Variants in RADIL observed in about 807,000 individuals in gnomAD.
RADIL encodes ras-associating and dilute domain-containing protein.
A neutral mutation model predicts 97.6 loss-of-function variants in RADIL; 99 were observed. That is an observed-to-expected ratio of 1.01 (90% CI 0.86 to 1.20). RADIL has a LOEUF of 1.20. Among genes scored for constraint, RADIL ranks in the 50% most tolerant of loss-of-function variants. The pLI is 0.00. For synonymous variants in RADIL, 803 were observed against 691.8 expected (o/e 1.16, Z -2.52); for missense variants, 1,765 against 1,498.9 (o/e 1.18, Z -2.93).
Position 4,819,237 on chromosome 7 carries a change from A to G in RADIL, c.1616-1886T>C, listed in dbSNP as rs1158599271. 6.6e-6 allele frequency among the ~76,000 whole-genome samples: 1 copy of G among 151,374 alleles called. No individual in the cohort carries two copies. The highest frequency in any genetic ancestry group is 6.6e-5 in the Admixed American group (1 of 15,218). On this transcript the variant is annotated intron_variant, in intron 6 of 14. Transcript: ENST00000399583. This position sits in a 1 kb window ranked among gnomAD's most constrained non-coding sequence, Gnocchi z 5.8. ...CAGGCACATGCCACCATGCCTGGCTAATTTTTGTATTTTTAGTAGAGACGG... is the reference window on the plus strand; with the variant it reads ...CAGGCACATGCCACCATGCCTGGCTGATTTTTGTATTTTTAGTAGAGACGG...
At chr7:4,874,912 G>A (rs1446486434) in intron 2 of RADIL, among the ~76,000 whole-genome samples, 1 of 152,102 alleles carries the variant, frequency 6.6e-6, no homozygotes, top group East Asian at 1.9e-4. Flanking sequence ...ACAAAAATTG[G>A]CCGGGCGCGG....
In RADIL at chr7:4,817,582, C is replaced by T. The variant is rs936786772; in HGVS notation, c.1616-231G>A. Among the ~76,000 whole-genome samples, 1 of 152,088 alleles carries T rather than the reference C, an allele frequency of 6.6e-6. No homozygotes were observed. On this transcript the variant is annotated intron_variant, in intron 6 of 14. Coordinates refer to ENST00000399583, the MANE Select transcript of RADIL (RefSeq NM_018059.5). The surrounding 1 kb of genome is among the most constrained non-coding windows in gnomAD (Gnocchi z 8.3). ...AATGCCGGGAGGGGCAGGAGGGGTC[C>T]AGACACCCAACATCTCAATGCCCAG...
chr7:4,847,349 A>G (rs971659854), intron 2 of RADIL, among the ~76,000 whole-genome samples: 3 of 152,172 alleles, frequency 2.0e-5, no homozygotes, highest in South Asian at 4.1e-4. Flanking sequence ...AAAGTTAAAC[A>G]ATATCAAGAG....
Position 4,879,990 on chromosome 7 carries a change from G to C in RADIL, c.-64-1787C>G, listed in dbSNP as rs899981596. On this transcript the variant is annotated intron_variant, in intron 1 of 14. Coordinates refer to ENST00000399583, the MANE Select transcript of RADIL (RefSeq NM_018059.5). This position sits in a 1 kb window ranked among gnomAD's most constrained non-coding sequence, Gnocchi z 4.1. ...CTTCAGAAATACTTCCGACAGCTTC[G>C]CACACCAGAGACTGGGTTCCCAACG... Among the ~76,000 whole-genome samples, 1 of 152,142 alleles carries C rather than the reference G, an allele frequency of 6.6e-6. No individual in the cohort carries two copies. The highest frequency in any genetic ancestry group is 1.5e-5 in the Non-Finnish European group (1 of 68,024).
Position 4,799,299 on chromosome 7 carries a change from AGGGACGAAGGC to A in RADIL, c.*68_*78del. On this transcript the variant is annotated 3_prime_UTR_variant, in exon 15 of 15. Transcript: ENST00000399583. Reference sequence around the variant, plus strand: ...GACCCAACTTGGTCAGTTACAAAACAGGGACGAAGGCGGGAGGAAGCCCAGTGTCACCAGGT... The same window carrying A: ...GACCCAACTTGGTCAGTTACAAAACAGGGAGGAAGCCCAGTGTCACCAGGT... 7.0e-7 allele frequency: 1 copy of A among 1,433,374 alleles called. No individual in the cohort carries two copies. The highest frequency in any genetic ancestry group is 1.2e-5 in the South Asian group (1 of 84,718). 88.8% of individuals were successfully genotyped at this position (1,433,374 alleles called of 1,614,324 possible). A position where few individuals can be genotyped will look rare whatever the true frequency, so the allele number is the denominator to read the frequency against.
Position 4,878,035 on chromosome 7 carries a change from C to A in RADIL, c.105G>T (p.Lys35Asn). The A allele has an allele frequency of 6.2e-7, 1 of 1,609,042 alleles. No individual in the cohort carries two copies. Among genetic ancestry groups the A allele is most frequent in the African/African-American group, 1.3e-5 (1 of 74,954 alleles). ...AGAAGGTGGAGTCCAGGTCCCGGTA[C>A]TTGTAGCTCAGCGTCCGGGACAGCA... ...SSMLSRTLSYKYRDLDSTFSS... is the reference protein window; with the variant it reads ...SSMLSRTLSYNYRDLDSTFSS... Residue 35 changes from lysine (K) to asparagine (N), a missense_variant, in exon 2 of 15, where the codon AAG (lysine) becomes AAT (asparagine). Lys to Asn is a moderately conservative substitution (Grantham distance 94). Transcript: ENST00000399583. This position sits in a 1 kb window ranked among gnomAD's most constrained non-coding sequence, Gnocchi z 4.1.
At position 4,854,743 on chromosome 7, in the gene RADIL, G is replaced by C. The variant is rs369759320; in HGVS notation, c.536-18138C>G. ...AAAAGATACCACTTTGGTATTGGTT[G>C]TTTAATTATATTTCACACATATGAA... On this transcript the variant is annotated intron_variant, in intron 2 of 14. Coordinates refer to ENST00000399583, the MANE Select transcript of RADIL (RefSeq NM_018059.5). This position sits in a 1 kb window ranked among gnomAD's most constrained non-coding sequence, Gnocchi z 5.1. Among the ~76,000 whole-genome samples the C allele has an allele frequency of 3.7e-4, 56 of 152,264 alleles. No individual in the cohort carries two copies. Among genetic ancestry groups the C allele is most frequent in the African/African-American group, 1.3e-3 (54 of 41,550 alleles).
chr7:4,799,667 C>T lies in RADIL; in HGVS notation c.3085G>A (p.Val1029Met). 22 of 1,597,534 alleles carry T rather than the reference C, an allele frequency of 1.4e-5. No individual in the cohort carries two copies. The highest frequency in any genetic ancestry group is 1.8e-5 in the Non-Finnish European group (21 of 1,173,088). Residue 1029 changes from valine to methionine, a missense_variant, in exon 14 of 15, where the codon GTG becomes ATG. Physicochemically the swap from Val to Met is conservative, Grantham distance 21 (BLOSUM62 1). Transcript: ENST00000399583. ...AGGCCCAGGAGGCTGCTGCCATTCA[C>T]CTCCAGGATACGGTCCCCCAGCGAC... ...RLSLGDRILE[V>M]NGSSLLGLGY...
chr7:4,850,316 A>C (rs28644390), intron 2 of RADIL, among the ~76,000 whole-genome samples: 3,139 of 152,034 alleles, frequency 0.021, 130 homozygotes, highest in African/African-American at 0.072. Flanking sequence ...AGCACAGAAA[A>C]AGCATGGAAG....
rs1050478383 is a variant in RADIL at position 4,871,711 on chromosome 7, G to A, written c.535+5894C>T. ...CACACAAAGAAAACGGACCCCACTC[G>A]GGAGTCTTGCAGACGCATAGGAGCT... On this transcript the variant is annotated intron_variant, in intron 2 of 14. Coordinates refer to ENST00000399583, the MANE Select transcript of RADIL (RefSeq NM_018059.5). Among the ~76,000 whole-genome samples the A allele has an allele frequency of 8.5e-5, 13 of 152,262 alleles. No individual in the cohort carries two copies. The South Asian group carries it at 2.3e-3, about 27-fold the overall frequency.
In RADIL at chr7:4,835,361, T is replaced by C. The variant is rs534366589; in HGVS notation, c.784-122A>G. On this transcript the variant is annotated intron_variant, in intron 3 of 14. Transcript: ENST00000399583. The surrounding 1 kb of genome is among the most constrained non-coding windows in gnomAD (Gnocchi z 5.8). ...GGATGCTGTCGCCACGGGCTCTCCA[T>C]GTCCCTGGCCACCCCCACACCAGAA... is the stretch of plus-strand genomic sequence containing the variant. 2.8e-5 allele frequency: 36 copies of C among 1,276,532 alleles called. No homozygotes were observed. In the South Asian group the frequency reaches 3.7e-4, roughly 13 times the overall value. The allele number at this position is 1,276,532 out of a possible 1,614,324, so 79.1% of individuals were successfully genotyped here.
intron 2 of RADIL, among the ~76,000 whole-genome samples, chr7:4,869,986 G>T (rs1435609229): frequency 6.6e-6 from 1 of 152,088 alleles, no homozygotes; most frequent in African/African-American, 2.4e-5. Flanking sequence ...ATAAAATAAA[G>T]AAATAAGTCG....
Position 4,837,770 on chromosome 7 carries a change from G to A in RADIL, c.536-1165C>T, listed in dbSNP as rs192553410. The A allele has an allele frequency of 1.0e-5, 9 of 886,854 alleles. No homozygotes were observed. In the East Asian group the frequency reaches 6.0e-4, roughly 59 times the overall value. The allele number at this position is 886,854 out of a possible 1,614,324, so 54.9% of individuals were successfully genotyped here. A position where few individuals can be genotyped will look rare whatever the true frequency, so the allele number is the denominator to read the frequency against. On this transcript the variant is annotated intron_variant, in intron 2 of 14. Coordinates refer to ENST00000399583, the MANE Select transcript of RADIL (RefSeq NM_018059.5). This position sits in a 1 kb window ranked among gnomAD's most constrained non-coding sequence, Gnocchi z 5.6. ...CTTAATATCTCATAAATACAGACACGCTCTCTAAATGCATGCTCTGGGAAA... is the reference window on the plus strand; with the variant it reads ...CTTAATATCTCATAAATACAGACACACTCTCTAAATGCATGCTCTGGGAAA...
intron 1 of RADIL, among the ~76,000 whole-genome samples, chr7:4,882,940 G>A (rs1298967052): frequency 6.6e-6 from 1 of 152,154 alleles, no homozygotes; most frequent in Non-Finnish European, 1.5e-5. Flanking sequence ...GCCCCGCCAG[G>A]GCCCTGCCAA....
Position 4,853,123 on chromosome 7 carries a change from C to T in RADIL, c.536-16518G>A, listed in dbSNP as rs189953837. On this transcript the variant is annotated intron_variant, in intron 2 of 14. Coordinates refer to ENST00000399583, the MANE Select transcript of RADIL (RefSeq NM_018059.5). ...GAGTGTATTTTGCATGTGGGTGTAG[C>T]TATGGATCACTGGAGGCCAGAGGGC... 6.4e-3 allele frequency among the ~76,000 whole-genome samples: 970 copies of T among 152,128 alleles called. 10 individuals are homozygous for T. The highest frequency in any genetic ancestry group is 0.022 in the African/African-American group (927 of 41,502).
intron 4 of RADIL, among the ~76,000 whole-genome samples, chr7:4,833,615 T>G (rs1783208349): frequency 6.6e-6 from 1 of 152,190 alleles, no homozygotes; most frequent in South Asian, 2.1e-4. Context: ...ATTTAAAATG[T>G]GGATTTCGAT....
chr7:4,883,178 C>A lies in RADIL; in HGVS notation c.-65+418G>T, dbSNP rs6942421. Among the ~76,000 whole-genome samples the A allele has an allele frequency of 4.6e-5, 7 of 152,050 alleles. No individual in the cohort carries two copies. Among genetic ancestry groups the A allele is most frequent in the African/African-American group, 1.7e-4 (7 of 41,418 alleles). On this transcript the variant is annotated intron_variant, in intron 1 of 14. Coordinates refer to ENST00000399583, the MANE Select transcript of RADIL (RefSeq NM_018059.5). This position sits in a 1 kb window ranked among gnomAD's most constrained non-coding sequence, Gnocchi z 7.1. ...CGCGGAACCCTGCGCCCCGCTCCCC[C>A]GCTGCGCCCCGCTCCCCCGCTGCGC...
At chr7:4,831,085 G>T (rs1207220247) in intron 5 of RADIL, among the ~76,000 whole-genome samples, 1 of 151,348 alleles carries the variant, frequency 6.6e-6, no homozygotes, top group Non-Finnish European at 1.5e-5. Context: ...CAGCTACTTA[G>T]AAGGCTGAGG....
intron 5 of RADIL, among the ~76,000 whole-genome samples, chr7:4,829,934 G>C (rs964082411): frequency 6.6e-6 from 1 of 152,146 alleles, no homozygotes; most frequent in Non-Finnish European, 1.5e-5. Flanking sequence ...ACTAATAAAG[G>C]CACGGATGGG....
Sources: allele counts gnomAD v4.1 joint callset (sites outside exome capture counted in the v4.1 genomes callset), GRCh38; gene constraint gnomAD v4.1.1; non-coding constraint Gnocchi (gnomAD v3.1); transcripts MANE v1.5; gene names NCBI Gene and HGNC (gene_info 2026-07-23, HGNC 2026-07-21).